The following CLIC5 variants were observed in gnomAD, a reference collection of about 807,000 sequenced individuals.
CLIC5 encodes chloride intracellular channel protein 5.
A neutral mutation model predicts 24.7 loss-of-function variants in CLIC5; 20 were observed. The observed-to-expected ratio is 0.81, with a 90% confidence interval of 0.57 to 1.18. The LOEUF (loss-of-function observed/expected upper bound fraction) is 1.18, where lower values mean the gene tolerates loss of function less well. Among genes scored for constraint, CLIC5 ranks in the 50% most tolerant of loss-of-function variants. The probability of loss-of-function intolerance (pLI) is 0.00; values close to 1 mark genes in which losing one functional copy is unlikely to be tolerated. For missense variants in CLIC5, 341 were observed against 326.1 expected (o/e 1.05, Z -0.35); for synonymous variants, 159 against 135.6 (o/e 1.17, Z -1.20).
At chr6:45,893,805 T>C (rs1461225536), downstream of CLIC5, among the ~76,000 whole-genome samples, 1 of 152,192 alleles carries the variant, frequency 6.6e-6, no homozygotes, top group East Asian at 1.9e-4. Flanking sequence ...TGAGACTATA[T>C]TGGGGGTGGT....
intron 4 of CLIC5, among the ~76,000 whole-genome samples, chr6:45,918,137 G>A (rs897053652): frequency 8.5e-5 from 13 of 152,240 alleles, no homozygotes; most frequent in African/African-American, 2.9e-4. Flanking sequence ...AGGAAACAAG[G>A]GGAATAGTTC....
intron 4 of CLIC5, among the ~76,000 whole-genome samples, chr6:45,934,900 G>A (rs1456738321): frequency 6.6e-6 from 1 of 152,228 alleles, no homozygotes; most frequent in East Asian, 1.9e-4. Flanking sequence ...TCAAAATAGA[G>A]CATTCAAGAT....
intron 1 of CLIC5, among the ~76,000 whole-genome samples, chr6:46,026,918 T>A (rs1767346938): frequency 1.3e-5 from 2 of 152,086 alleles, no homozygotes; most frequent in South Asian, 2.1e-4. Flanking sequence ...AACCAGAAGA[T>A]GAGATAGCAC....
In CLIC5 at chr6:45,899,422, T is replaced by C. The variant is rs1168285114; in HGVS notation, c.*3666A>G. On this transcript the variant is annotated 3_prime_UTR_variant, in exon 6 of 6. Coordinates refer to ENST00000339561, the MANE Select transcript of CLIC5 (RefSeq NM_016929.5). ...TGAGATGGCCCCTGGCCAGTGGGAA[T>C]TGAGGCGAGTCACAGAAGTACTTAC... The C allele has an allele frequency of 6.6e-6, 1 of 152,264 alleles. No homozygotes were observed. The highest frequency in any genetic ancestry group is 2.4e-5 in the African/African-American group (1 of 41,466). 9.4% of individuals were successfully genotyped at this position (152,264 alleles called of 1,614,324 possible).
intron 5 of CLIC5, among the ~76,000 whole-genome samples, chr6:45,906,379 C>T (rs1337929661): frequency 6.6e-6 from 1 of 152,108 alleles, no homozygotes; most frequent in African/African-American, 2.4e-5. Context: ...GTGTCAGCTG[C>T]AATTTCCTTA....
At chr6:46,035,295 G>GA (rs1345397860) in intron 1 of CLIC5, among the ~76,000 whole-genome samples, 1 of 152,020 alleles carries the variant, frequency 6.6e-6, no homozygotes, top group African/African-American at 2.4e-5. Flanking sequence ...ATTAGAGGAA[G>GA]AAAAAAGAAA....
At chr6:45,882,893 T>C (rs1439721213) in intron 6 of CLIC5, among the ~76,000 whole-genome samples, 4 of 152,202 alleles carry the variant, frequency 2.6e-5, no homozygotes, top group African/African-American at 9.7e-5. Context: ...GTGAGAAGAC[T>C]AGAAGAGTAT....
At chr6:46,063,043 A>G (rs1293871176) in intron 1 of CLIC5, among the ~76,000 whole-genome samples, 1 of 152,220 alleles carries the variant, frequency 6.6e-6, no homozygotes, top group Non-Finnish European at 1.5e-5. Context: ...AGTGGAAGAT[A>G]AAGACTTTGA....
chr6:46,129,724 G>A, the CLIC5 span: 1 of 145,836 alleles, frequency 6.9e-6, no homozygotes, highest in South Asian at 2.2e-4. Context: ...ATTGCCTGAG[G>A]CCTTTCCGGG....
At chr6:45,978,777 C>G (rs1156690941) in intron 1 of CLIC5, among the ~76,000 whole-genome samples, 2 of 151,978 alleles carry the variant, frequency 1.3e-5, no homozygotes, top group Non-Finnish European at 2.9e-5. Flanking sequence ...TAGTGAAATC[C>G]CATCTCTACT....
intron 1 of CLIC5, among the ~76,000 whole-genome samples, chr6:46,072,371 A>T (rs1175467184): frequency 6.6e-6 from 1 of 151,652 alleles, no homozygotes; most frequent in South Asian, 2.2e-4. Flanking sequence ...ACTGATCAGT[A>T]GTGGCCAAGA....
intron 1 of CLIC5, among the ~76,000 whole-genome samples, chr6:46,000,731 G>A (rs1391016528): frequency 2.0e-5 from 3 of 152,214 alleles, no homozygotes; most frequent in Admixed American, 6.5e-5. Context: ...CATCAGACTC[G>A]TAGACTCACT....
At chr6:46,013,849 C>A (rs761391126) in intron 1 of CLIC5, among the ~76,000 whole-genome samples, 81 of 152,236 alleles carry the variant, frequency 5.3e-4, no homozygotes, top group Non-Finnish European at 5.7e-4. Flanking sequence ...GAATCGCTTT[C>A]TTCAAGGAGA....
At chr6:46,042,925 C>T (rs547889105) in intron 1 of CLIC5, among the ~76,000 whole-genome samples, 2 of 152,186 alleles carry the variant, frequency 1.3e-5, no homozygotes, top group Non-Finnish European at 2.9e-5. Flanking sequence ...ACACAATGTC[C>T]ACCAAGTGGG....
chr6:45,941,509 C>T (rs768961564), intron 4 of CLIC5, 38 bp downstream of exon 4: 1 of 1,486,006 alleles, frequency 6.7e-7, no homozygotes, highest in Non-Finnish European at 9.4e-7. Flanking sequence ...AGCAGATAGA[C>T]CACTGCCAAG....
At chr6:45,925,965 T>C (rs1763467519) in intron 4 of CLIC5, among the ~76,000 whole-genome samples, 1 of 152,066 alleles carries the variant, frequency 6.6e-6, no homozygotes, top group South Asian at 2.1e-4. Context: ...TGAGGCAGTT[T>C]CAGACCTGGG....
intron 3 of CLIC5, among the ~76,000 whole-genome samples, chr6:45,947,676 C>G (rs1890368): frequency 0.87 from 131,896 of 152,188 alleles, 57,615 homozygotes; most frequent in Non-Finnish European, 0.9. Flanking sequence ...TTATTGAAAA[C>G]AGCATTTTTT....
At chr6:45,969,539 A>G (rs1765126658) in intron 1 of CLIC5, among the ~76,000 whole-genome samples, 2 of 149,938 alleles carry the variant, frequency 1.3e-5, no homozygotes, top group Admixed American at 6.8e-5. Flanking sequence ...CACATAGACG[A>G]TCGGTAGGGA....
chr6:45,977,460 A>C (rs1273068102), intron 1 of CLIC5, among the ~76,000 whole-genome samples: 2 of 152,238 alleles, frequency 1.3e-5, no homozygotes, highest in Non-Finnish European at 2.9e-5. Flanking sequence ...TTAAAAATAA[A>C]AAAATGGATA....
Sources: allele counts gnomAD v4.1 joint callset (sites outside exome capture counted in the v4.1 genomes callset), GRCh38; gene constraint gnomAD v4.1.1; transcripts MANE v1.5; gene names NCBI Gene and HGNC (gene_info 2026-07-23, HGNC 2026-07-21).